DYM: variants seen among roughly 807,000 people sequenced by gnomAD.
DYM encodes the protein dymeclin, also known as dyggve-Melchior-Clausen syndrome protein.
DYM carries 78 observed loss-of-function variants against 93.1 expected under a neutral mutation model. That is an observed-to-expected ratio of 0.84 (90% CI 0.70 to 1.01). The LOEUF (loss-of-function observed/expected upper bound fraction) is 1.01. Ranked by LOEUF, DYM falls within the 50% of genes least tolerant of loss-of-function variation. DYM has a pLI of 0.00. For missense variants in DYM, 789 were observed against 845.0 expected (o/e 0.93, Z 0.82); for synonymous variants, 321 against 319.7 (o/e 1.00, Z -0.04).
At chr18:49,084,139 C>A (rs1041179211) in intron 17 of DYM, among the ~76,000 whole-genome samples, 1 of 152,116 alleles carries the variant, frequency 6.6e-6, no homozygotes, top group Non-Finnish European at 1.5e-5. Context: ...CCTGTAAGCA[C>A]CACTTGAGCC....
chr18:49,333,241 A>G (rs2063436956), intron 7 of DYM, among the ~76,000 whole-genome samples: 1 of 152,220 alleles, frequency 6.6e-6, no homozygotes, highest in African/African-American at 2.4e-5. Flanking sequence ...ATAGCCCCAC[A>G]GTCTAACATG....
At chr18:49,153,098 A>T (rs1262699735) in intron 15 of DYM, among the ~76,000 whole-genome samples, 1 of 152,230 alleles carries the variant, frequency 6.6e-6, no homozygotes, top group Non-Finnish European at 1.5e-5. Context: ...AAGAGAGTAG[A>T]TCATAAGTGT....
intron 15 of DYM, among the ~76,000 whole-genome samples, chr18:49,160,341 T>A (rs1157876157): frequency 1.3e-5 from 2 of 152,122 alleles, no homozygotes; most frequent in African/African-American, 4.8e-5. Flanking sequence ...ATACTAATGT[T>A]TTTGGAACTT....
intron 17 of DYM, 99 bp from the exon 18 acceptor site, chr18:49,044,303 C>G: frequency 7.7e-7 from 1 of 1,304,036 alleles, no homozygotes; most frequent in South Asian, 1.2e-5. Flanking sequence ...GGGGAGCCCA[C>G]CCACCCCTGC....
intron 3 of DYM, among the ~76,000 whole-genome samples, chr18:49,386,474 C>T (rs1377534684): frequency 6.6e-6 from 1 of 152,164 alleles, no homozygotes; most frequent in African/African-American, 2.4e-5. Flanking sequence ...ACTTCACCTC[C>T]ATGGTCTTCC....
At chr18:49,361,944 G>A (rs766207587) in intron 6 of DYM, among the ~76,000 whole-genome samples, 6 of 151,788 alleles carry the variant, frequency 4.0e-5, no homozygotes, top group Admixed American at 2.0e-4. Context: ...CAGGCTGGTC[G>A]TGAACTCCTG....
chr18:49,283,653 T>C (rs2095047091), intron 9 of DYM, among the ~76,000 whole-genome samples: 1 of 152,208 alleles, frequency 6.6e-6, no homozygotes, highest in Non-Finnish European at 1.5e-5. Flanking sequence ...CTGAACATGG[T>C]AGCACAAAGA....
intron 13 of DYM, among the ~76,000 whole-genome samples, chr18:49,245,981 C>T (rs1255875728): frequency 6.6e-6 from 1 of 152,232 alleles, no homozygotes; most frequent in Non-Finnish European, 1.5e-5. Context: ...CGATAGGTGA[C>T]TGCTATTCAG....
At chr18:49,433,539 T>C (rs1254047178) in intron 1 of DYM, among the ~76,000 whole-genome samples, 1 of 152,078 alleles carries the variant, frequency 6.6e-6, no homozygotes, top group South Asian at 2.1e-4. Context: ...ATAGAAAATA[T>C]GTAAAGTTAG....
chr18:49,202,454 A>C (rs2092085092), intron 14 of DYM, among the ~76,000 whole-genome samples: 2 of 131,598 alleles, frequency 1.5e-5, no homozygotes, highest in South Asian at 5.6e-4. Flanking sequence ...CTGGCCGCCC[A>C]TCGTCTGGGA....
chr18:49,270,355 C>A (rs1231394565), intron 11 of DYM, among the ~76,000 whole-genome samples: 1 of 152,132 alleles, frequency 6.6e-6, no homozygotes, highest in African/African-American at 2.4e-5. Context: ...ACTTCATGAT[C>A]TCACATATAT....
chr18:49,281,008 A>C (rs2094958778), intron 10 of DYM, among the ~76,000 whole-genome samples: 1 of 152,228 alleles, frequency 6.6e-6, no homozygotes. Context: ...CATCGGAGTG[A>C]ACAGGCAACC....
At chr18:49,377,446 G>C (rs2067606305) in intron 5 of DYM, among the ~76,000 whole-genome samples, 1 of 152,134 alleles carries the variant, frequency 6.6e-6, no homozygotes, top group South Asian at 2.1e-4. Context: ...TGTAGTCCCA[G>C]CTACTCAGGA....
chr18:49,184,407 T>C lies in DYM; in HGVS notation c.1626-20620A>G, dbSNP rs147616620. Among the ~76,000 whole-genome samples, 761 of 152,138 alleles carry C rather than the reference T, an allele frequency of 5.0e-3. 4 individuals are homozygous for C. The highest frequency in any genetic ancestry group is 0.017 in the African/African-American group (706 of 41,490). ...AACTAATTATAAAAGAAAGCTCAAT[T>C]CCCTAAGGACTGGGTTACTGAGGTA... On this transcript the variant is annotated intron_variant, in intron 14 of 17. Coordinates refer to ENST00000675505, the MANE Select transcript of DYM (RefSeq NM_001353214.3).
intron 8 of DYM, among the ~76,000 whole-genome samples, chr18:49,298,659 T>A (rs2060712181): frequency 1.3e-5 from 2 of 152,138 alleles, no homozygotes; most frequent in Non-Finnish European, 2.9e-5. Flanking sequence ...AAGTTTTTTT[T>A]AAGTTTAATT....
chr18:49,091,136 T>C (rs1237922270), intron 17 of DYM, among the ~76,000 whole-genome samples: 1 of 152,194 alleles, frequency 6.6e-6, no homozygotes, highest in African/African-American at 2.4e-5. Flanking sequence ...TGTTCGTTGG[T>C]ATCCCTCTCT....
intron 16 of DYM, among the ~76,000 whole-genome samples, chr18:49,117,216 T>A (rs894462158): frequency 1.3e-5 from 2 of 152,144 alleles, no homozygotes; most frequent in African/African-American, 4.8e-5. Flanking sequence ...GTGACAAGAG[T>A]GTCCATGGCA....
intron 16 of DYM, among the ~76,000 whole-genome samples, chr18:49,105,213 C>T (rs528360081): frequency 1.1e-4 from 16 of 152,330 alleles, no homozygotes; most frequent in Middle Eastern, 3.4e-3. Context: ...TTATAGCATT[C>T]TCTGATGGCA....
chr18:49,110,338 T>A (rs2081278369), intron 16 of DYM, among the ~76,000 whole-genome samples: 1 of 152,238 alleles, frequency 6.6e-6, no homozygotes, highest in Non-Finnish European at 1.5e-5. Context: ...TTTTTGTAGA[T>A]CCAAGTTTCT....
Sources: allele counts gnomAD v4.1 joint callset (sites outside exome capture counted in the v4.1 genomes callset), GRCh38; gene constraint gnomAD v4.1.1; transcripts MANE v1.5; gene names NCBI Gene and HGNC (gene_info 2026-07-23, HGNC 2026-07-21).